The following PPP1R21 variants were observed in gnomAD, a reference collection of about 807,000 sequenced individuals.
PPP1R21 encodes the protein KLRAQ motif containing 1.
Under a neutral mutation model 112.8 loss-of-function variants are expected in PPP1R21, and 85 were observed. That is an observed-to-expected ratio of 0.75 (90% confidence interval 0.63 to 0.90). The LOEUF (loss-of-function observed/expected upper bound fraction) is 0.90. PPP1R21 is among the 40% of genes least tolerant of loss of function. PPP1R21 has a pLI of 0.00. For synonymous variants in PPP1R21, 381 were observed against 322.3 expected (o/e 1.18, Z -1.95); for missense variants, 1,199 against 901.5 (o/e 1.33, Z -4.23).
At chr2:48,445,289 A>G (rs571346434) in intron 1 of PPP1R21, among the ~76,000 whole-genome samples, 167 of 152,268 alleles carry the variant, frequency 1.1e-3, no homozygotes, top group African/African-American at 3.9e-3. Flanking sequence ...GGTAACCGCT[A>G]GCCATGCATG....
intron 1 of PPP1R21, among the ~76,000 whole-genome samples, chr2:48,448,772 T>G (rs1433883138): frequency 1.3e-5 from 2 of 152,300 alleles, no homozygotes; most frequent in East Asian, 1.9e-4. Flanking sequence ...AAAGTGGTAT[T>G]TCTCTCTTTT....
At chr2:48,464,534 G>T (rs921829306) in intron 7 of PPP1R21, among the ~76,000 whole-genome samples, 13 of 152,168 alleles carry the variant, frequency 8.5e-5, no homozygotes, top group Non-Finnish European at 1.8e-4. Flanking sequence ...GATTTTTCCG[G>T]TAATGTAGTG....
intron 9 of PPP1R21, among the ~76,000 whole-genome samples, chr2:48,467,710 C>T (rs896913187): frequency 6.6e-6 from 1 of 152,164 alleles, no homozygotes; most frequent in Non-Finnish European, 1.5e-5. Flanking sequence ...TAGGTAGTCA[C>T]GTATCATCAC....
intron 15 of PPP1R21, among the ~76,000 whole-genome samples, chr2:48,494,964 C>T (rs1669758830): frequency 6.6e-6 from 1 of 152,112 alleles, no homozygotes; most frequent in Non-Finnish European, 1.5e-5. Context: ...CCTCGGTGTC[C>T]CAAAGTGCTA....
At chr2:48,502,724 A>G (rs1572894157) in intron 17 of PPP1R21, among the ~76,000 whole-genome samples, 2 of 124,008 alleles carry the variant, frequency 1.6e-5, no homozygotes, top group Non-Finnish European at 3.1e-5. Context: ...TCTGTGGCCC[A>G]GGCTGGAGTG....
At chr2:48,476,881 A>G (rs1159411523) in intron 12 of PPP1R21, among the ~76,000 whole-genome samples, 1 of 152,018 alleles carries the variant, frequency 6.6e-6, no homozygotes, top group African/African-American at 2.4e-5. Flanking sequence ...ATTTTCTTCC[A>G]TTTTATAGGT....
chr2:48,479,089 A>G (rs1239795999), intron 12 of PPP1R21, among the ~76,000 whole-genome samples: 1 of 152,132 alleles, frequency 6.6e-6, no homozygotes, highest in Non-Finnish European at 1.5e-5. Flanking sequence ...AAGGGTGATC[A>G]GGGCCCCACT....
In PPP1R21 at chr2:48,440,858, A is replaced by G; in HGVS notation, c.-96A>G. ...GGCTGCGGTGGCCAAGCAGGCAGATACTGCCTGACCCGTTCCCGGGAGCGT... is the reference window on the plus strand; with the variant it reads ...GGCTGCGGTGGCCAAGCAGGCAGATGCTGCCTGACCCGTTCCCGGGAGCGT... On this transcript the variant is annotated 5_prime_UTR_variant, in exon 1 of 22. In the 5' UTR this introduces an upstream ATG that the reference lacks. Coordinates refer to ENST00000294952, the MANE Select transcript of PPP1R21 (RefSeq NM_001135629.3). 1.2e-6 allele frequency: 1 copy of G among 851,202 alleles called. No individual in the cohort carries two copies. The highest frequency in any genetic ancestry group is 1.8e-6 in the Non-Finnish European group (1 of 540,600). The allele number at this position is 851,202 out of a possible 1,614,324, so 52.7% of individuals were successfully genotyped here. A position where few individuals can be genotyped will look rare whatever the true frequency, so the allele number is the denominator to read the frequency against.
In PPP1R21 at chr2:48,486,553, G is replaced by A; in HGVS notation, c.1319-78G>A. 1.0e-5 allele frequency: 11 copies of A among 1,088,334 alleles called. No homozygotes were observed. In the South Asian group the frequency reaches 1.4e-4, roughly 14 times the overall value. The allele number at this position is 1,088,334 out of a possible 1,614,324, so 67.4% of individuals were successfully genotyped here. On this transcript the variant is annotated intron_variant, in intron 13 of 21. Coordinates refer to ENST00000294952, the MANE Select transcript of PPP1R21 (RefSeq NM_001135629.3). The stretch of plus-strand genomic sequence containing the variant: ...CTTTATAAATTTAGAAGAATAGATA[G>A]GAGAAGTGAATGGGCTGGTTATCTG...
chr2:48,485,096 A>G (rs550103788), intron 13 of PPP1R21, among the ~76,000 whole-genome samples: 78 of 152,268 alleles, frequency 5.1e-4, no homozygotes, highest in African/African-American at 1.7e-3. Flanking sequence ...TTCAACCCCT[A>G]TGGAAAGCAG....
chr2:48,465,517 C>A lies in PPP1R21; in HGVS notation c.772C>A (p.Gln258Lys). ...GCTGAAGATGCGAGATATTGCTGGGCAGGCCCTGGCTTTTGTTCAGGATCT... is the reference window on the plus strand; with the variant it reads ...GCTGAAGATGCGAGATATTGCTGGGAAGGCCCTGGCTTTTGTTCAGGATCT... ...HQLKMRDIAGQALAFVQDLVT... is the reference protein window; with the variant it reads ...HQLKMRDIAGKALAFVQDLVT... Residue 258 changes from glutamine to lysine, a missense_variant, in exon 9 of 22, where the codon CAG becomes AAG. Gln to Lys is a moderately conservative substitution (Grantham distance 53, BLOSUM62 1). Transcript: ENST00000294952. 6.2e-7 allele frequency: 1 copy of A among 1,613,036 alleles called. No homozygotes were observed. The highest frequency in any genetic ancestry group is 8.5e-7 in the Non-Finnish European group (1 of 1,179,676).
chr2:48,458,214 G>A lies in PPP1R21; in HGVS notation c.362G>A (p.Arg121Gln), dbSNP rs772780875. 2 of 1,607,628 alleles carry A rather than the reference G, an allele frequency of 1.2e-6. No individual in the cohort carries two copies. The highest frequency in any genetic ancestry group is 1.1e-5 in the South Asian group (1 of 90,812). ...DLQKKIEENE[R>Q]LHIQFFEADE... ...CAAAAGAAGATAGAAGAGAATGAAC[G>A]GTTGCATATACAAGTGAGAAAATCT... The change falls in exon 4 of 22, where the codon CGG becomes CAG. Residue 121 changes from arginine (R) to glutamine (Q), a missense_variant. Coordinates refer to ENST00000294952, the MANE Select transcript of PPP1R21 (RefSeq NM_001135629.3).
Position 48,440,827 on chromosome 2 carries a change from G to GGCGGCT in PPP1R21, c.-122_-121insTGCGGC. 1 of 689,700 alleles carries GGCGGCT rather than the reference G, an allele frequency of 1.4e-6. No individual in the cohort carries two copies. Among genetic ancestry groups the GGCGGCT allele is most frequent in the Non-Finnish European group, 2.5e-6 (1 of 401,246 alleles). The allele number at this position is 689,700 out of a possible 1,614,324, so 42.7% of individuals were successfully genotyped here. ...GAGGAGGAGGCGCGGCGGCGGCGGC[G>GGCGGCT]GCGGCGGCTGCGGTGGCCAAGCAGG... On this transcript the variant is annotated 5_prime_UTR_variant, in exon 1 of 22. Coordinates refer to ENST00000294952, the MANE Select transcript of PPP1R21 (RefSeq NM_001135629.3).
chr2:48,481,782 C>T (rs1331137664), intron 13 of PPP1R21, among the ~76,000 whole-genome samples: 3 of 152,072 alleles, frequency 2.0e-5, no homozygotes, highest in Non-Finnish European at 2.9e-5. Flanking sequence ...ATTCTTAATA[C>T]GGTAATCTGA....
chr2:48,497,264 A>G (rs1669889428), intron 16 of PPP1R21, among the ~76,000 whole-genome samples: 1 of 152,200 alleles, frequency 6.6e-6, no homozygotes, highest in Admixed American at 6.5e-5. Context: ...TGATGGGGAA[A>G]TACCCCACAT....
Position 48,459,923 on chromosome 2 carries a change from G to T in PPP1R21, c.540+5G>T, listed in dbSNP as rs1667902287. ...AACGACAAGGCTAAACTAGAAGTAAGCCCCATTGTGAGAGCACACTAAAAA... is the reference window on the plus strand; with the variant it reads ...AACGACAAGGCTAAACTAGAAGTAATCCCCATTGTGAGAGCACACTAAAAA... On this transcript the variant is annotated splice_donor_5th_base_variant and intron_variant, in intron 5 of 21. Coordinates refer to ENST00000294952, the MANE Select transcript of PPP1R21 (RefSeq NM_001135629.3). 1 of 1,611,802 alleles carries T rather than the reference G, an allele frequency of 6.2e-7. No individual in the cohort carries two copies. The highest frequency in any genetic ancestry group is 8.5e-7 in the Non-Finnish European group (1 of 1,178,788).
chr2:48,502,203 A>T (rs1670149275), intron 17 of PPP1R21, among the ~76,000 whole-genome samples: 1 of 152,176 alleles, frequency 6.6e-6, no homozygotes, highest in African/African-American at 2.4e-5. Flanking sequence ...TAATGACCTT[A>T]GTTGGGTTTG....
chr2:48,449,496 A>T (rs1667386278), intron 1 of PPP1R21, among the ~76,000 whole-genome samples: 1 of 152,182 alleles, frequency 6.6e-6, no homozygotes, highest in African/African-American at 2.4e-5. Context: ...GTCATCTCTA[A>T]CTTTCTAAAA....
chr2:48,487,296 T>C (rs1306046061), intron 14 of PPP1R21, among the ~76,000 whole-genome samples: 1 of 152,168 alleles, frequency 6.6e-6, no homozygotes, highest in African/African-American at 2.4e-5. Context: ...GTATGTTTCT[T>C]TTTTGGTAAT....
Sources: allele counts gnomAD v4.1 joint callset (sites outside exome capture counted in the v4.1 genomes callset), GRCh38; gene constraint gnomAD v4.1.1; transcripts MANE v1.5; gene names NCBI Gene and HGNC (gene_info 2026-07-23, HGNC 2026-07-21).